ATP8A2: variants seen among roughly 807,000 people sequenced by gnomAD.
ATP8A2 encodes phospholipid-transporting ATPase IB.
ATP8A2 carries 100 observed loss-of-function variants against 165.6 expected under a neutral mutation model. The observed-to-expected ratio is 0.60, with a 90% CI of 0.51 to 0.71. The LOEUF (loss-of-function observed/expected upper bound fraction) is 0.71. Among genes scored for constraint, ATP8A2 ranks in the 30% least tolerant of loss-of-function variants. The probability of loss-of-function intolerance (pLI) is 0.00; values close to 1 mark genes in which losing one functional copy is unlikely to be tolerated. For synonymous variants in ATP8A2, 543 were observed against 548.8 expected, an observed-to-expected ratio of 0.99 and a Z score of 0.15; for missense variants, 1,227 against 1,479.5, an observed-to-expected ratio of 0.83 and a Z score of 2.80.
intron 24 of ATP8A2, among the ~76,000 whole-genome samples, chr13:25,652,027 G>A (rs1160733492): frequency 2.6e-5 from 4 of 151,780 alleles, no homozygotes; most frequent in Admixed American, 1.3e-4. Flanking sequence ...ATTTTATTCC[G>A]ACCTATGATG....
intron 1 of ATP8A2, among the ~76,000 whole-genome samples, chr13:25,389,783 A>T (rs1461217765): frequency 1.3e-5 from 2 of 152,254 alleles, no homozygotes; most frequent in African/African-American, 2.4e-5. Flanking sequence ...GGTGTTTACC[A>T]TCTGGCTGGG....
At chr13:25,884,075 T>C (rs1953064722) in intron 33 of ATP8A2, among the ~76,000 whole-genome samples, 1 of 152,128 alleles carries the variant, frequency 6.6e-6, no homozygotes, top group Non-Finnish European at 1.5e-5. Flanking sequence ...GACTTACCTG[T>C]CTAGGCCACC....
At chr13:25,674,228 G>A (rs920675076) in intron 24 of ATP8A2, among the ~76,000 whole-genome samples, 3 of 152,062 alleles carry the variant, frequency 2.0e-5, no homozygotes, top group Non-Finnish European at 2.9e-5. Context: ...TCCTGGCCAT[G>A]TTGTCTTCTC....
intron 33 of ATP8A2, among the ~76,000 whole-genome samples, chr13:25,864,600 G>A (rs1952452383): frequency 6.6e-6 from 1 of 152,212 alleles, no homozygotes; most frequent in South Asian, 2.1e-4. Context: ...AAGCAAAGAA[G>A]TGATCATATT....
chr13:25,516,300 G>T (rs1181719138), intron 2 of ATP8A2, among the ~76,000 whole-genome samples: 1 of 152,096 alleles, frequency 6.6e-6, no homozygotes, highest in Non-Finnish European at 1.5e-5. Flanking sequence ...GAGGGCAAAA[G>T]CGTTTGGGAC....
At chr13:25,618,457 C>T (rs1056568695) in intron 24 of ATP8A2, among the ~76,000 whole-genome samples, 7 of 152,034 alleles carry the variant, frequency 4.6e-5, no homozygotes, top group Non-Finnish European at 7.4e-5. Flanking sequence ...AGGTGTGGAG[C>T]GGCTGGGAGG....
chr13:25,988,778 A>G (rs759224897), intron 35 of ATP8A2, among the ~76,000 whole-genome samples: 5 of 152,236 alleles, frequency 3.3e-5, no homozygotes, highest in Admixed American at 6.5e-5. Context: ...GCCTGTCTCC[A>G]TGGGCTGGGC....
rs571038338 is a variant in ATP8A2 at position 25,565,609 on chromosome 13, G to A, written c.1473+1578G>A. On this transcript the variant is annotated intron_variant, in intron 16 of 36. Coordinates refer to ENST00000381655, the MANE Select transcript of ATP8A2 (RefSeq NM_016529.6). ...TTTTCTTACTGATTTGTTTGAGTTT[G>A]TTGTAGTTTCTGGATATTAGTCCTT... is the stretch of plus-strand genomic sequence containing the variant. 1.3e-3 allele frequency among the ~76,000 whole-genome samples: 200 copies of A among 152,152 alleles called. 1 individual carries two copies. Among genetic ancestry groups the A allele is most frequent in the African/African-American group, 4.6e-3 (192 of 41,512 alleles).
intron 27 of ATP8A2, among the ~76,000 whole-genome samples, chr13:25,795,586 A>G (rs1166297303): frequency 1.3e-5 from 2 of 152,230 alleles, no homozygotes; most frequent in African/African-American, 4.8e-5. Flanking sequence ...TTCATGTGTC[A>G]AGCTTACAGG....
intron 25 of ATP8A2, among the ~76,000 whole-genome samples, chr13:25,707,033 G>A (rs563074087): frequency 1.2e-4 from 18 of 152,226 alleles, no homozygotes; most frequent in Admixed American, 2.6e-4. Context: ...AAAGCCCAAA[G>A]CTTAAACACT....
intron 25 of ATP8A2, among the ~76,000 whole-genome samples, chr13:25,763,408 C>G (rs2044424934): frequency 6.6e-6 from 1 of 152,106 alleles, no homozygotes; most frequent in Admixed American, 6.5e-5. Flanking sequence ...CAGCTCCTCG[C>G]CATGTGTAAG....
chr13:25,418,190 A>G (rs1481777013), intron 1 of ATP8A2, among the ~76,000 whole-genome samples: 1 of 152,178 alleles, frequency 6.6e-6, no homozygotes, highest in Non-Finnish European at 1.5e-5. Context: ...ACATACCCTC[A>G]GATGTGGAAT....
At chr13:25,472,961 C>T (rs1026435686) in intron 2 of ATP8A2, among the ~76,000 whole-genome samples, 1 of 152,178 alleles carries the variant, frequency 6.6e-6, no homozygotes, top group Non-Finnish European at 1.5e-5. Flanking sequence ...GAAGGGAGGG[C>T]AGCGAGGGGC....
intron 6 of ATP8A2, chr13:25,534,233 C>A (rs1249866812): frequency 1.9e-6 from 1 of 532,032 alleles, no homozygotes; most frequent in Admixed American, 1.9e-5. Context: ...TTTACAGTAA[C>A]ACCTTAACCT....
chr13:25,818,870 A>G (rs2138556977), intron 27 of ATP8A2, among the ~76,000 whole-genome samples: 1 of 152,326 alleles, frequency 6.6e-6, no homozygotes, highest in Non-Finnish European at 1.5e-5. Flanking sequence ...GTAGCCAGAT[A>G]ACAATACAAT....
chr13:25,734,145 A>G (rs1473459549), intron 25 of ATP8A2, among the ~76,000 whole-genome samples: 1 of 152,218 alleles, frequency 6.6e-6, no homozygotes, highest in Non-Finnish European at 1.5e-5. Context: ...CATTCAATAA[A>G]TGCCTATTCG....
At chr13:25,745,635 G>A (rs1051796294) in intron 25 of ATP8A2, among the ~76,000 whole-genome samples, 1 of 152,118 alleles carries the variant, frequency 6.6e-6, no homozygotes, top group African/African-American at 2.4e-5. Flanking sequence ...GGGCTGGAGT[G>A]TTTACAAGTG....
chr13:25,404,646 T>C (rs1238779301), intron 1 of ATP8A2, among the ~76,000 whole-genome samples: 2 of 152,084 alleles, frequency 1.3e-5, no homozygotes, highest in Non-Finnish European at 1.5e-5. Flanking sequence ...TGCTCAGATT[T>C]CTGGTTTGCG....
At chr13:25,447,353 T>G (rs2035097647) in intron 1 of ATP8A2, among the ~76,000 whole-genome samples, 1 of 152,140 alleles carries the variant, frequency 6.6e-6, no homozygotes, top group Admixed American at 6.6e-5. Flanking sequence ...CAAATCAGGG[T>G]AATTAACATA....
Sources: gnomAD v4.1 joint callset for allele counts (sites outside exome capture counted in the v4.1 genomes callset) on GRCh38, gnomAD v4.1.1 for gene constraint, MANE v1.5 for transcripts, NCBI Gene and HGNC (gene_info 2026-07-23, HGNC 2026-07-21) for gene names.